The following HADHB variants were observed in gnomAD, a reference collection of about 807,000 sequenced individuals.
The protein encoded by HADHB is trifunctional enzyme subunit beta, mitochondrial.
HADHB carries 50 observed loss-of-function variants against 61.9 expected under a neutral mutation model. That is an observed-to-expected ratio of 0.81 (90% CI 0.64 to 1.02). The LOEUF is 1.02. Among genes scored for constraint, HADHB ranks in the 50% least tolerant of loss-of-function variants. The probability of loss-of-function intolerance (pLI) is 0.00; values close to 1 mark genes in which losing one functional copy is unlikely to be tolerated. For missense variants in HADHB, 504 were observed against 586.5 expected, an observed-to-expected ratio of 0.86 and a Z score of 1.45; for synonymous variants, 191 against 201.6, an observed-to-expected ratio of 0.95 and a Z score of 0.45.
chr2:26,286,669 A>G (rs1447983470), intron 15 of HADHB, among the ~76,000 whole-genome samples: 1 of 150,662 alleles, frequency 6.6e-6, no homozygotes, highest in African/African-American at 2.4e-5. Context: ...AGCCCGGGCA[A>G]TTTTTTTTGT....
chr2:26,250,894 G>A (rs762781216), intron 1 of HADHB, among the ~76,000 whole-genome samples: 8 of 151,002 alleles, frequency 5.3e-5, no homozygotes, highest in Non-Finnish European at 1.0e-4. Flanking sequence ...TTTATAGTTA[G>A]AATATATATA....
At chr2:26,285,605 G>A in intron 15 of HADHB, 34 bp downstream of exon 15, 2 of 1,556,954 alleles carry the variant, frequency 1.3e-6, no homozygotes, top group Non-Finnish European at 8.8e-7. Flanking sequence ...ACCCTCCAGA[G>A]AGTCATTTTC....
chr2:26,282,852 G>T lies in HADHB; in HGVS notation c.941G>T (p.Gly314Val), dbSNP rs760854659. The T allele has an allele frequency of 1.9e-6, 3 of 1,609,682 alleles. No individual in the cohort carries two copies. The highest frequency in any genetic ancestry group is 2.5e-6 in the Non-Finnish European group (3 of 1,176,516). ...TAANSSFLTD[G>V]ASAMLIMAEE... The stretch of plus-strand genomic sequence containing the variant: ...TGCTGGTTAACATTTCAGACTGATG[G>T]TGCATCTGCAATGTTAATCATGGCG... Residue 314 changes from glycine (G) to valine (V), a missense_variant, in exon 11 of 16, where the codon GGT becomes GTT. Coordinates refer to ENST00000317799, the MANE Select transcript of HADHB (RefSeq NM_000183.3).
intron 1 of HADHB, among the ~76,000 whole-genome samples, chr2:26,248,294 C>T (rs892507290): frequency 1.3e-5 from 2 of 152,106 alleles, no homozygotes; most frequent in Non-Finnish European, 2.9e-5. Context: ...TATACTATAA[C>T]TTACTTAACT....
chr2:26,289,273 AAAAG>A (rs1190174838), intron 15 of HADHB, among the ~76,000 whole-genome samples: 1 of 152,160 alleles, frequency 6.6e-6, no homozygotes, highest in African/African-American at 2.4e-5. Flanking sequence ...AAAAAATAAA[AAAAG>A]AAAGATATTC....
At chr2:26,280,172 T>C in intron 10 of HADHB, 57 bp downstream of exon 10, 1 of 1,369,416 alleles carries the variant, frequency 7.3e-7, no homozygotes, top group Non-Finnish European at 1.0e-6. Context: ...GTACTCTCTG[T>C]AGAAAAGCCT....
Position 26,270,934 on chromosome 2 carries a change from A to G in HADHB, c.254+937A>G, listed in dbSNP as rs188268065. 4.1e-3 allele frequency among the ~76,000 whole-genome samples: 590 copies of G among 143,086 alleles called. 5 individuals are homozygous for G. The highest frequency in any genetic ancestry group is 6.8e-3 in the Non-Finnish European group (454 of 66,874). The allele number at this position is 143,086 out of a possible 152,430, so 93.9% of individuals were successfully genotyped here. A position where few individuals can be genotyped will look rare whatever the true frequency, so the allele number is the denominator to read the frequency against. ...CGCTCTGTCACCCAGGCTGGAGTGC[A>G]GTGGCGTGATTTCGGCTCACTGCAA... is the stretch of plus-strand genomic sequence containing the variant. On this transcript the variant is annotated intron_variant, in intron 5 of 15. Coordinates refer to ENST00000317799, the MANE Select transcript of HADHB (RefSeq NM_000183.3).
In HADHB at chr2:26,257,466, CT is replaced by C. The variant is rs1382740522; in HGVS notation, c.109+2993del. On this transcript the variant is annotated intron_variant, in intron 3 of 15. Transcript: ENST00000317799. ...GCTTGCCTAAGACAGGGTCCCATAACTGTAGTATATCCATTGTCTTCTTCCC... is the reference window on the plus strand; with the variant it reads ...GCTTGCCTAAGACAGGGTCCCATAACGTAGTATATCCATTGTCTTCTTCCC... 1.1e-4 allele frequency among the ~76,000 whole-genome samples: 16 copies of C among 152,216 alleles called. No individual in the cohort carries two copies. In the East Asian group the frequency reaches 3.1e-3, roughly 30 times the overall value.
chr2:26,256,922 TG>T (rs1331494545), intron 3 of HADHB, among the ~76,000 whole-genome samples: 2 of 152,174 alleles, frequency 1.3e-5, no homozygotes, highest in African/African-American at 4.8e-5. Context: ...AATACATAAT[TG>T]GCCATTATTA....
At chr2:26,258,632 A>C (rs1355826413) in intron 3 of HADHB, among the ~76,000 whole-genome samples, 1 of 152,240 alleles carries the variant, frequency 6.6e-6, no homozygotes, top group Non-Finnish European at 1.5e-5. Flanking sequence ...GAAGGTGAGC[A>C]AAAGCTCAGC....
intron 13 of HADHB, among the ~76,000 whole-genome samples, chr2:26,284,665 C>T (rs1425192078): frequency 6.6e-6 from 1 of 151,950 alleles, no homozygotes; most frequent in Non-Finnish European, 1.5e-5. Flanking sequence ...CAGGGTTTCA[C>T]CATATTGGTC....
chr2:26,266,020 T>C (rs528349830), intron 4 of HADHB, among the ~76,000 whole-genome samples: 1 of 150,618 alleles, frequency 6.6e-6, no homozygotes, highest in East Asian at 2.0e-4. Flanking sequence ...GAGCAACATA[T>C]GAGCAACATA....
intron 4 of HADHB, among the ~76,000 whole-genome samples, chr2:26,264,612 AT>A (rs1024919734): frequency 3.2e-4 from 47 of 147,638 alleles, no homozygotes; most frequent in African/African-American, 1.1e-3. Context: ...GCAATGACTT[AT>A]GAAAGATACA....
rs12104916 is a variant in HADHB, at chr2:26,273,610, G to A, written c.255-41G>A. 27 of 1,076,816 alleles carry A rather than the reference G, an allele frequency of 2.5e-5. No individual in the cohort carries two copies. In the African/African-American group the frequency reaches 3.2e-4, roughly 13 times the overall value. 66.7% of individuals were successfully genotyped at this position (1,076,816 alleles called of 1,614,324 possible). ...GTGTGATGATCTCTGGCACTGCCTTGATGTGTGAAATGTTTCTTTGCTTTG... is the reference window on the plus strand; with the variant it reads ...GTGTGATGATCTCTGGCACTGCCTTAATGTGTGAAATGTTTCTTTGCTTTG... On this transcript the variant is annotated intron_variant, in intron 5 of 15. Transcript: ENST00000317799.
At chr2:26,285,739 G>GTTTTTTTTTGTTTTTTTTTT (rs1673001596) in intron 15 of HADHB, among the ~76,000 whole-genome samples, 168 bp downstream of exon 15, 2 of 65,082 alleles carry the variant, frequency 3.1e-5, no homozygotes, top group African/African-American at 6.6e-5. Context: ...TGTTTTTTGG[G>GTTTTTTTTTGTTTTTTTTTT]TTTTTTTTTT....
At chr2:26,247,285 A>C (rs1454074576) in intron 1 of HADHB, among the ~76,000 whole-genome samples, 1 of 152,166 alleles carries the variant, frequency 6.6e-6, no homozygotes, top group Non-Finnish European at 1.5e-5. Context: ...TTTTACCAAA[A>C]TTTCTGTTTT....
intron 4 of HADHB, among the ~76,000 whole-genome samples, chr2:26,266,102 A>T (rs988807345): frequency 1.6e-4 from 25 of 151,818 alleles, no homozygotes; most frequent in African/African-American, 6.0e-4. Flanking sequence ...AAAGAAAAAA[A>T]AAAAGGTGTT....
At chr2:26,250,124 A>C (rs1671342752) in intron 1 of HADHB, among the ~76,000 whole-genome samples, 1 of 152,054 alleles carries the variant, frequency 6.6e-6, no homozygotes, top group African/African-American at 2.4e-5. Flanking sequence ...TTCCTGCCTC[A>C]GTTCCCAAGT....
chr2:26,266,527 T>A (rs1019338724), intron 4 of HADHB, among the ~76,000 whole-genome samples: 1 of 152,050 alleles, frequency 6.6e-6, no homozygotes, highest in East Asian at 1.9e-4. Flanking sequence ...AGCAGTGGAA[T>A]TCAGAAGTCT....
Sources: gnomAD v4.1 joint callset for allele counts (sites outside exome capture counted in the v4.1 genomes callset) on GRCh38, gnomAD v4.1.1 for gene constraint, MANE v1.5 for transcripts, NCBI Gene and HGNC (gene_info 2026-07-23, HGNC 2026-07-21) for gene names.